MTSS2: variants seen among roughly 807,000 people sequenced by gnomAD.
MTSS2 encodes the protein protein MTSS 2.
A neutral mutation model predicts 67.1 loss-of-function variants in MTSS2; 27 were observed. The observed-to-expected ratio is 0.40, with a 90% CI of 0.30 to 0.55. MTSS2 has a LOEUF of 0.55. Among genes scored for constraint, MTSS2 ranks in the 20% least tolerant of loss-of-function variants. The probability of loss-of-function intolerance (pLI) is 0.43; values close to 1 mark genes in which losing one functional copy is unlikely to be tolerated. For missense variants in MTSS2, 1,171 were observed against 1,067.8 expected, an observed-to-expected ratio of 1.10 and a Z score of -1.35; for synonymous variants, 624 against 468.6, an observed-to-expected ratio of 1.33 and a Z score of -4.28.
chr16:70,663,759 TCGGCCGGGGGGTCGCTGGTGG>T lies in MTSS2; in HGVS notation c.2141_2161del (p.Ala714_Ala720del). ...ACGCCGGATGGCCACCAGCATGTCTTCGGCCGGGGGGTCGCTGGTGGCGGCTGGGGGTGGGGTGGGCGTCTC... is the reference window on the plus strand; with the variant it reads ...ACGCCGGATGGCCACCAGCATGTCTTCGGCTGGGGGTGGGGTGGGCGTCTC... On this transcript the variant is annotated inframe_deletion, in exon 15 of 15. Coordinates refer to ENST00000338779, the MANE Select transcript of MTSS2 (RefSeq NM_138383.3). The T allele has an allele frequency of 6.4e-7, 1 of 1,551,296 alleles. No homozygotes were observed. Among genetic ancestry groups the T allele is most frequent in the Non-Finnish European group, 8.7e-7 (1 of 1,151,556 alleles).
At chr16:70,678,112 G>A (rs1567502447) in intron 8 of MTSS2, 140 bp downstream of exon 8, 1 of 1,188,538 alleles carries the variant, frequency 8.4e-7, no homozygotes, top group Non-Finnish European at 1.2e-6. Context: ...GGTGAGCTAT[G>A]AGACCTGCCT....
At chr16:70,676,207 G>A (rs1309835449) in intron 10 of MTSS2, among the ~76,000 whole-genome samples, 1 of 152,200 alleles carries the variant, frequency 6.6e-6, no homozygotes, top group African/African-American at 2.4e-5. Context: ...AACCATCAAT[G>A]TCTCCTCCAA....
At chr16:70,665,129 A>G (rs2052658565) in intron 12 of MTSS2, 33 bp from the exon 13 acceptor site, 1 of 1,567,722 alleles carries the variant, frequency 6.4e-7, no homozygotes, top group Admixed American at 1.8e-5. Context: ...CAGGGGGACC[A>G]CTGGCCCTAC....
chr16:70,664,250 T>G lies in MTSS2; in HGVS notation c.1671A>C (p.Ala557=). Residue 557 remains alanine, a synonymous_variant, in exon 15 of 15, where the codon GCA becomes GCC. Transcript: ENST00000338779. The part of the protein sequence containing the change: ...LPTATGLPSG[A]PPGVATIRRT... ...GGCGGATGGTGGCCACGCCGGGGGGTGCGCCCGAGGGCAGGCCAGTGGCCG... is the reference window on the plus strand; with the variant it reads ...GGCGGATGGTGGCCACGCCGGGGGGGGCGCCCGAGGGCAGGCCAGTGGCCG... 1.3e-6 allele frequency: 2 copies of G among 1,560,850 alleles called. No individual in the cohort carries two copies. The highest frequency in any genetic ancestry group is 8.6e-7 in the Non-Finnish European group (1 of 1,159,974).
At chr16:70,683,082 G>T (rs1418924183) in intron 1 of MTSS2, among the ~76,000 whole-genome samples, 1 of 152,224 alleles carries the variant, frequency 6.6e-6, no homozygotes, top group Non-Finnish European at 1.5e-5. Flanking sequence ...GCTCTGGAGT[G>T]GGGAGGTGAG....
In MTSS2 at chr16:70,662,523, C is replaced by T. The variant is rs2052523670; in HGVS notation, c.*1154G>A. On this transcript the variant is annotated 3_prime_UTR_variant, in exon 15 of 15. Coordinates refer to ENST00000338779, the MANE Select transcript of MTSS2 (RefSeq NM_138383.3). Reference sequence around the variant, plus strand: ...TCGCTCCCCCACCTGGGCTTGCAGCCAGCTCAGACCACAGCAGACAGGCCG... The same window carrying T: ...TCGCTCCCCCACCTGGGCTTGCAGCTAGCTCAGACCACAGCAGACAGGCCG... 1.3e-5 allele frequency: 2 copies of T among 152,420 alleles called. No homozygotes were observed. Among genetic ancestry groups the T allele is most frequent in the African/African-American group, 4.8e-5 (2 of 41,444 alleles). The allele number at this position is 152,420 out of a possible 1,614,324, so 9.4% of individuals were successfully genotyped here.
rs1289780799 is a variant in MTSS2 at position 70,664,522 on chromosome 16, G to A, written c.1472-73C>T. On this transcript the variant is annotated intron_variant, in intron 14 of 14. Coordinates refer to ENST00000338779, the MANE Select transcript of MTSS2 (RefSeq NM_138383.3). The stretch of plus-strand genomic sequence containing the variant: ...CCCCCAGCCCACCAGGGTGAGCACA[G>A]AGGGGGAAGGACGGGGCCCTCCTGG... The A allele has an allele frequency of 1.3e-5, 20 of 1,573,150 alleles. No individual in the cohort carries two copies. The African/African-American group carries it at 1.9e-4, about 15-fold the overall frequency.
chr16:70,661,379 TGGGGGAGG>T lies in MTSS2; in HGVS notation c.*2290_*2297del, dbSNP rs1209206855. 8.5e-5 allele frequency: 2 copies of T among 23,434 alleles called. No homozygotes were observed. Among genetic ancestry groups the T allele is most frequent in the African/African-American group, 1.2e-3 (2 of 1,684 alleles). 1.5% of individuals were successfully genotyped at this position (23,434 alleles called of 1,614,324 possible). On this transcript the variant is annotated 3_prime_UTR_variant, in exon 15 of 15. Transcript: ENST00000338779. Reference sequence around the variant, plus strand: ...CAAATGGTTCAGATGGGACGGAGGGTGGGGGAGGGGGGGAGGGTGAGTAGGAACCAGGA... The same window carrying T: ...CAAATGGTTCAGATGGGACGGAGGGTGGGGGAGGGTGAGTAGGAACCAGGA...
At chr16:70,685,287 T>C (rs1359376451) in intron 1 of MTSS2, among the ~76,000 whole-genome samples, 1 of 152,066 alleles carries the variant, frequency 6.6e-6, no homozygotes, top group Non-Finnish European at 1.5e-5. Context: ...GGTTCTCCGC[T>C]TTATTATTTT....
Position 70,674,605 on chromosome 16 carries a change from C to T in MTSS2, c.831-77G>A. On this transcript the variant is annotated intron_variant, in intron 10 of 14. Transcript: ENST00000338779. ...TGTGTGTTTGGGGGAGGTTGACAAA[C>T]GAGGGTGGGGAAAGAGGTGAGGGGC... 9.1e-6 allele frequency: 12 copies of T among 1,318,522 alleles called. 1 individual carries two copies. Among genetic ancestry groups the T allele is most frequent in the South Asian group, 3.8e-5 (3 of 79,800 alleles). The allele number at this position is 1,318,522 out of a possible 1,614,324, so 81.7% of individuals were successfully genotyped here.
chr16:70,682,051 C>G (rs2053319667), intron 1 of MTSS2, among the ~76,000 whole-genome samples: 1 of 152,216 alleles, frequency 6.6e-6, no homozygotes, highest in African/African-American at 2.4e-5. Context: ...GAGGGAGGCT[C>G]TGCCTGGCTG....
At chr16:70,678,495 A>G (rs2053193595) in intron 7 of MTSS2, 86 bp from the exon 8 acceptor site, 8 of 1,484,160 alleles carry the variant, frequency 5.4e-6, no homozygotes, top group Non-Finnish European at 7.2e-6. Context: ...TGGTGGTGGC[A>G]TCTCTCGGCC....
intron 11 of MTSS2, among the ~76,000 whole-genome samples, chr16:70,666,096 C>CAGTT (rs1434262824): frequency 1.3e-5 from 2 of 152,124 alleles, no homozygotes; most frequent in Non-Finnish European, 2.9e-5. Context: ...GCAGCGAGTG[C>CAGTT]AGTTAGACAA....
chr16:70,676,037 G>GA (rs1464763255), intron 10 of MTSS2, among the ~76,000 whole-genome samples: 1 of 152,206 alleles, frequency 6.6e-6, no homozygotes, highest in Non-Finnish European at 1.5e-5. Context: ...CGCAGGGTCT[G>GA]AAGAGCCTCT....
At chr16:70,668,394 T>C (rs1222621676) in intron 11 of MTSS2, among the ~76,000 whole-genome samples, 4 of 143,294 alleles carry the variant, frequency 2.8e-5, no homozygotes, top group Non-Finnish European at 6.2e-5. Flanking sequence ...GGGGACAGAG[T>C]GAGACTGTAT....
Position 70,663,576 on chromosome 16 carries a change from T to C in MTSS2, c.*101A>G. ...AGTGGCATGGCCTCTGCCCTGGCTC[T>C]GTCCTCTCTCCTGGCTGGGCCTTTG... On this transcript the variant is annotated 3_prime_UTR_variant, in exon 15 of 15. Transcript: ENST00000338779. 1 of 1,443,996 alleles carries C rather than the reference T, an allele frequency of 6.9e-7. No individual in the cohort carries two copies. The highest frequency in any genetic ancestry group is 2.5e-5 in the East Asian group (1 of 39,560). 89.4% of individuals were successfully genotyped at this position (1,443,996 alleles called of 1,614,324 possible). A position where few individuals can be genotyped will look rare whatever the true frequency, so the allele number is the denominator to read the frequency against.
At chr16:70,681,351 G>A (rs1281241944) in intron 1 of MTSS2, among the ~76,000 whole-genome samples, 4 of 152,212 alleles carry the variant, frequency 2.6e-5, no homozygotes, top group East Asian at 1.9e-4. Flanking sequence ...CTGTCCCCTC[G>A]GGGTTTCCCA....
Position 70,664,442 on chromosome 16 carries a change from G to T in MTSS2, c.1479C>A (p.Asp493Glu), listed in dbSNP as rs1222530756. Residue 493 changes from aspartate (D) to glutamate (E), a missense_variant, in exon 15 of 15, where the codon GAC becomes GAA. Asp to Glu is a conservative substitution (Grantham distance 45). This residue lies in a region of MTSS2 where 924 missense variants were observed against 756.0 expected (regional missense o/e 1.22). Transcript: ENST00000338779. ...SEDTIPSQGS[D>E]YDCYSVNGDA... Reference sequence around the variant, plus strand: ...CCCCATTCACGGAGTAGCAGTCGTAGTCGGAGCCTGGGGGCACGGGACACA... The same window carrying T: ...CCCCATTCACGGAGTAGCAGTCGTATTCGGAGCCTGGGGGCACGGGACACA... 3.3e-6 allele frequency: 5 copies of T among 1,537,554 alleles called. No individual in the cohort carries two copies. Among genetic ancestry groups the T allele is most frequent in the Non-Finnish European group, 3.5e-6 (4 of 1,143,520 alleles).
intron 8 of MTSS2, 78 bp from the exon 9 acceptor site, chr16:70,677,977 G>T: frequency 8.1e-7 from 1 of 1,240,404 alleles, no homozygotes. Context: ...AGAAGCAGCA[G>T]CCCTTGTCGG....
Sources: gnomAD v4.1 joint callset for allele counts (sites outside exome capture counted in the v4.1 genomes callset) on GRCh38, gnomAD v4.1.1 for gene constraint, gnomAD v4.1.1 regional missense constraint, MANE v1.5 for transcripts, NCBI Gene and HGNC (gene_info 2026-07-23, HGNC 2026-07-21) for gene names.